The following BEND7 variants were observed in gnomAD, a reference collection of about 807,000 sequenced individuals.
The protein encoded by BEND7 is BEN domain-containing protein 7.
BEND7 carries 28 observed loss-of-function variants against 50.9 expected under a neutral mutation model. The observed-to-expected ratio is 0.55, with a 90% CI of 0.41 to 0.75. BEND7 has a LOEUF of 0.75. Among genes scored for constraint, BEND7 ranks in the 30% least tolerant of loss-of-function variants. The pLI, the probability that BEND7 is intolerant of heterozygous loss-of-function variation, is 0.00. For synonymous variants in BEND7, 170 were observed against 183.9 expected, an observed-to-expected ratio of 0.92 and a Z score of 0.61; for missense variants, 477 against 491.3, an observed-to-expected ratio of 0.97 and a Z score of 0.28.
intron 6 of BEND7, among the ~76,000 whole-genome samples, chr10:13,477,556 C>T (rs1280919026): frequency 1.3e-5 from 2 of 152,168 alleles, no homozygotes; most frequent in Admixed American, 6.5e-5. Flanking sequence ...AAAATCGCTT[C>T]GTATTGTAAC....
At position 13,496,814 on chromosome 10, in the gene BEND7, T is replaced by C. The variant is rs917941270; in HGVS notation, c.523A>G (p.Ile175Val). ...CTCATGGTCTTGAGTTCTTGTAGAA[T>C]GGCCTGCAACGTTGACTGGCAGTTA... ...TCNCQSTLQA[I>V]LQELKTMRKL... Residue 175 changes from isoleucine to valine, a missense_variant, in exon 4 of 9, where the codon ATT becomes GTT. Ile to Val is a conservative substitution (Grantham distance 29, BLOSUM62 3). Coordinates refer to ENST00000466271, the MANE Select transcript of BEND7 (RefSeq NM_001369863.1). 4.8e-5 allele frequency: 77 copies of C among 1,613,428 alleles called. No homozygotes were observed. The highest frequency in any genetic ancestry group is 6.4e-5 in the Non-Finnish European group (75 of 1,179,894).
rs2078123243 is a variant in BEND7 at position 13,509,463 on chromosome 10, C to T, written c.146-9383G>A. Among the ~76,000 whole-genome samples, 6 of 152,178 alleles carry T rather than the reference C, an allele frequency of 3.9e-5. No individual in the cohort carries two copies. In the South Asian group the frequency reaches 1.2e-3, roughly 31 times the overall value. On this transcript the variant is annotated intron_variant, in intron 2 of 8. Coordinates refer to ENST00000466271, the MANE Select transcript of BEND7 (RefSeq NM_001369863.1). ...AGGGCTGGTGCCTGTGAGTCAGGCT[C>T]TTCAGCATCGCCAGCTACACTTCCC...
At chr10:13,509,224 T>C (rs1411844920) in intron 2 of BEND7, among the ~76,000 whole-genome samples, 1 of 152,188 alleles carries the variant, frequency 6.6e-6, no homozygotes, top group African/African-American at 2.4e-5. Flanking sequence ...ACAAACAATT[T>C]TCTTAGATGT....
At chr10:13,439,183 G>A, downstream of BEND7, 1 of 1,611,326 alleles carries the variant, frequency 6.2e-7, no homozygotes, top group Non-Finnish European at 8.5e-7. Context: ...CAGAGAGAGA[G>A]GCAAGAGATG....
At chr10:13,506,625 C>G (rs2077913027) in intron 2 of BEND7, among the ~76,000 whole-genome samples, 1 of 152,084 alleles carries the variant, frequency 6.6e-6, no homozygotes, top group Non-Finnish European at 1.5e-5. Flanking sequence ...TCAGATATAT[C>G]CTACACAAAA....
At chr10:13,474,196 T>C (rs2075210095) in intron 6 of BEND7, among the ~76,000 whole-genome samples, 1 of 151,926 alleles carries the variant, frequency 6.6e-6, no homozygotes, top group Non-Finnish European at 1.5e-5. Context: ...ATATCCATCA[T>C]CGCTGTTAGA....
intron 2 of BEND7, chr10:13,500,800 T>A (rs1301158612): frequency 1.0e-6 from 1 of 985,012 alleles, no homozygotes; most frequent in Non-Finnish European, 1.2e-6. Flanking sequence ...GACCGAGGGG[T>A]CCCTGCCACT....
At chr10:13,466,709 G>C (rs533263107) in intron 6 of BEND7, among the ~76,000 whole-genome samples, 1 of 152,306 alleles carries the variant, frequency 6.6e-6, no homozygotes, top group South Asian at 2.1e-4. Context: ...AGAGGCCTTA[G>C]GCAAGTGGCA....
At chr10:13,500,724 C>T (rs2077380718) in intron 2 of BEND7, 1 of 985,602 alleles carries the variant, frequency 1.0e-6, no homozygotes, top group Non-Finnish European at 1.2e-6. Flanking sequence ...CCGAGTGTGG[C>T]AGCATGGCAA....
intron 5 of BEND7, among the ~76,000 whole-genome samples, chr10:13,486,358 A>G (rs990006723): frequency 6.6e-6 from 1 of 152,212 alleles, no homozygotes; most frequent in African/African-American, 2.4e-5. Context: ...TGCTGAGAAT[A>G]TAGCCCATGA....
At chr10:13,475,017 C>A (rs972310174) in intron 6 of BEND7, among the ~76,000 whole-genome samples, 2 of 152,170 alleles carry the variant, frequency 1.3e-5, no homozygotes, top group East Asian at 3.9e-4. Context: ...GTCTGAATTT[C>A]GAACCAACAC....
chr10:13,501,816 A>C (rs2077491381), intron 2 of BEND7, among the ~76,000 whole-genome samples: 2 of 150,890 alleles, frequency 1.3e-5, no homozygotes, highest in African/African-American at 4.9e-5. Context: ...ACTGCACTTC[A>C]GCCTGGGTGA....
intron 6 of BEND7, among the ~76,000 whole-genome samples, chr10:13,472,624 C>A (rs770472957): frequency 2.0e-5 from 3 of 151,762 alleles, no homozygotes; most frequent in African/African-American, 7.3e-5. Flanking sequence ...GGGATTGATA[C>A]CCGTCATCGC....
chr10:13,503,027 C>G (rs1159050019), intron 2 of BEND7: 1 of 724,658 alleles, frequency 1.4e-6, no homozygotes, highest in Non-Finnish European at 1.7e-6. Context: ...GATTCTGGAA[C>G]CTTCTGAGGG....
chr10:13,520,075 G>A (rs577961708), intron 2 of BEND7, among the ~76,000 whole-genome samples: 1 of 152,308 alleles, frequency 6.6e-6, no homozygotes, highest in Admixed American at 6.5e-5. Flanking sequence ...GCATGGTACA[G>A]TGGAAAGATC....
chr10:13,508,140 G>C (rs1435310504), intron 2 of BEND7, among the ~76,000 whole-genome samples: 1 of 152,166 alleles, frequency 6.6e-6, no homozygotes, highest in Non-Finnish European at 1.5e-5. Flanking sequence ...TGTGCTTTGA[G>C]GACCTGAGGC....
chr10:13,512,777 A>G (rs955824224), intron 2 of BEND7, among the ~76,000 whole-genome samples: 4 of 152,254 alleles, frequency 2.6e-5, no homozygotes, highest in Non-Finnish European at 5.9e-5. Context: ...TTCATTTTCA[A>G]TGTACATATT....
chr10:13,495,310 A>G (rs1411445584), intron 4 of BEND7, among the ~76,000 whole-genome samples: 2 of 152,222 alleles, frequency 1.3e-5, no homozygotes, highest in Non-Finnish European at 2.9e-5. Flanking sequence ...GGTGAGTCCA[A>G]TGCTTACTGA....
chr10:13,476,273 C>T (rs17533373), intron 6 of BEND7, among the ~76,000 whole-genome samples: 18,771 of 152,128 alleles, frequency 0.12, 1,520 homozygotes, highest in Middle Eastern at 0.21. Context: ...TTGTAAGAAG[C>T]GCAGTTATTT....
Sources: allele counts gnomAD v4.1 joint callset (sites outside exome capture counted in the v4.1 genomes callset), GRCh38; gene constraint gnomAD v4.1.1; transcripts MANE v1.5; gene names NCBI Gene and HGNC (gene_info 2026-07-23, HGNC 2026-07-21).